The following KDR variants were observed in gnomAD, a reference collection of about 807,000 sequenced individuals.
KDR encodes the protein kinase insert domain receptor.
KDR carries 43 observed loss-of-function variants against 160.9 expected under a neutral mutation model. That is an observed-to-expected ratio of 0.27 (90% CI 0.21 to 0.34). The LOEUF is 0.34. Among genes scored for constraint, KDR ranks in the 10% least tolerant of loss-of-function variants. The pLI, the probability that KDR is intolerant of heterozygous loss-of-function variation, is 1.00. For synonymous variants in KDR, 617 were observed against 600.1 expected, an observed-to-expected ratio of 1.03 and a Z score of -0.41; for missense variants, 1,469 against 1,666.4, an observed-to-expected ratio of 0.88 and a Z score of 2.06.
At chr4:55,082,426 GGCA>G (rs1394045579) in intron 28 of KDR, 107 bp downstream of exon 28, 12 of 812,492 alleles carry the variant, frequency 1.5e-5, no homozygotes, top group Non-Finnish European at 2.5e-5. Context: ...CACACTCGAG[GGCA>G]GCCTTCTAAT....
At chr4:55,119,915 C>A (rs989831179) in intron 2 of KDR, among the ~76,000 whole-genome samples, 2 of 152,138 alleles carry the variant, frequency 1.3e-5, no homozygotes, top group African/African-American at 4.8e-5. Flanking sequence ...CAGGAAGTTG[C>A]AGCTAAATCA....
intron 15 of KDR, 48 bp downstream of exon 15, chr4:55,101,849 T>C (rs199866784): frequency 6.7e-7 from 1 of 1,491,172 alleles, no homozygotes; most frequent in Non-Finnish European, 9.3e-7. Flanking sequence ...TACGGCTGCA[T>C]AGCATTCCAT....
intron 1 of KDR, among the ~76,000 whole-genome samples, chr4:55,124,476 G>A (rs1720979145): frequency 1.3e-5 from 2 of 152,076 alleles, no homozygotes; most frequent in Admixed American, 6.5e-5. Context: ...AAAGGTTTTC[G>A]GAGCTTGAAC....
intron 18 of KDR, chr4:55,096,607 T>A: frequency 2.0e-6 from 1 of 499,578 alleles, no homozygotes. Flanking sequence ...GGAGAATACA[T>A]CTGCAGTGGA....
chr4:55,124,843 G>A (rs537715458), intron 1 of KDR, among the ~76,000 whole-genome samples: 113 of 152,266 alleles, frequency 7.4e-4, no homozygotes, highest in African/African-American at 2.6e-3. Flanking sequence ...GGACTAGGAT[G>A]TTGCGCGCAG....
In KDR at chr4:55,089,991, T is replaced by C. The variant is rs1362717733; in HGVS notation, c.3157A>G (p.Ile1053Val). Residue 1053 changes from isoleucine to valine, a missense_variant, in exon 23 of 30, where the codon ATT becomes GTT. By Grantham distance (29) the Ile-to-Val change is conservative. Coordinates refer to ENST00000263923, the MANE Select transcript of KDR (RefSeq NM_002253.4). ...CTGACATAATCTGGATCTTTATAAA[T>C]ATCCCGGGCCAAGCCAAAGTCACAG... ...KICDFGLARDIYKDPDYVRKG... is the reference protein window; with the variant it reads ...KICDFGLARDVYKDPDYVRKG... 6.2e-7 allele frequency: 1 copy of C among 1,614,058 alleles called. No individual in the cohort carries two copies. The highest frequency in any genetic ancestry group is 1.7e-5 in the Admixed American group (1 of 60,022).
rs754837622 is a variant in KDR, at chr4:55,118,755, G to C, written c.207C>G (p.Gly69=). The change falls in exon 3 of 30, where the codon GGC becomes GGG. Residue 69 remains glycine, a synonymous_variant. Transcript: ENST00000263923. ...LDWLWPNNQS[G]SEQRVEVTEC... ...CAGTCACCTCCACCCTTTGCTCACT[G>C]CCACTCTGATTATTGGGCCAAAGCC... 1.2e-6 allele frequency: 2 copies of C among 1,614,006 alleles called. No individual in the cohort carries two copies. Among genetic ancestry groups the C allele is most frequent in the East Asian group, 4.5e-5 (2 of 44,896 alleles).
intron 15 of KDR, among the ~76,000 whole-genome samples, chr4:55,099,903 A>G (rs781746410): frequency 1.3e-5 from 2 of 152,188 alleles, no homozygotes; most frequent in African/African-American, 4.8e-5. Flanking sequence ...CACATCACGC[A>G]TGGCCTGGTA....
At chr4:55,120,692 C>T (rs1038965911) in intron 2 of KDR, among the ~76,000 whole-genome samples, 5 of 152,074 alleles carry the variant, frequency 3.3e-5, no homozygotes, top group East Asian at 1.9e-4. Flanking sequence ...AAGAATCATA[C>T]CAAGCATAAT....
intron 2 of KDR, 88 bp from the exon 3 acceptor site, chr4:55,118,888 TTAAA>T (rs1320276650): frequency 2.9e-6 from 3 of 1,041,774 alleles, no homozygotes; most frequent in Non-Finnish European, 4.4e-6. Flanking sequence ...GTTTTGAAAC[TTAAA>T]TAAACTCTTC....
chr4:55,122,676 G>GT, intron 1 of KDR, among the ~76,000 whole-genome samples: 1 of 152,144 alleles, frequency 6.6e-6, no homozygotes, highest in Non-Finnish European at 1.5e-5. Context: ...CAATAATATG[G>GT]TTTTTAAAAA....
intron 13 of KDR, 131 bp downstream of exon 13, chr4:55,104,512 C>T (rs2110022574): frequency 8.1e-6 from 6 of 741,494 alleles, no homozygotes; most frequent in African/African-American, 3.5e-5. Context: ...CAAGGACTTT[C>T]GGTGAAGAAG....
At chr4:55,085,328 T>C (rs112558391) in intron 27 of KDR, among the ~76,000 whole-genome samples, 25 of 152,316 alleles carry the variant, frequency 1.6e-4, no homozygotes, top group African/African-American at 5.8e-4. Context: ...GTAAATATTT[T>C]TCAAATGGTT....
At chr4:55,095,886 A>C (rs1720139391) in intron 19 of KDR, among the ~76,000 whole-genome samples, 1 of 152,028 alleles carries the variant, frequency 6.6e-6, no homozygotes, top group African/African-American at 2.4e-5. Context: ...AAGAAAACCC[A>C]CCCATCTACT....
At chr4:55,107,594 A>T in intron 10 of KDR, 143 bp downstream of exon 10, 1 of 946,378 alleles carries the variant, frequency 1.1e-6, no homozygotes, top group Non-Finnish European at 1.7e-6. Flanking sequence ...AGACACAGAG[A>T]AAGATGGATG....
chr4:55,114,362 T>G, intron 5 of KDR, 97 bp from the exon 6 acceptor site: 1 of 1,326,988 alleles, frequency 7.5e-7, no homozygotes, highest in Non-Finnish European at 1.1e-6. Context: ...CTTTAAAACA[T>G]GCCACATTGT....
chr4:55,115,936 A>T (rs903800219), intron 3 of KDR, among the ~76,000 whole-genome samples: 9 of 152,216 alleles, frequency 5.9e-5, no homozygotes, highest in African/African-American at 2.2e-4. Context: ...GAAACAGCTA[A>T]CACTTTTGAA....
intron 27 of KDR, among the ~76,000 whole-genome samples, chr4:55,084,877 G>C (rs1228968260): frequency 1.3e-5 from 2 of 152,176 alleles, no homozygotes; most frequent in Non-Finnish European, 2.9e-5. Context: ...TGTAAGTACG[G>C]GGTATGAAAC....
At chr4:55,098,299 T>C in intron 16 of KDR, 27 bp from the exon 17 acceptor site, 1 of 1,613,282 alleles carries the variant, frequency 6.2e-7, no homozygotes, top group Non-Finnish European at 8.5e-7. Flanking sequence ...CTTCCAGTCA[T>C]AAACACACTG....
Sources: allele counts gnomAD v4.1 joint callset (sites outside exome capture counted in the v4.1 genomes callset), GRCh38; gene constraint gnomAD v4.1.1; transcripts MANE v1.5; gene names NCBI Gene and HGNC (gene_info 2026-07-23, HGNC 2026-07-21).